The following TRRAP variants were observed in gnomAD, a reference collection of about 807,000 sequenced individuals.
The protein encoded by TRRAP is transformation/transcription domain-associated protein.
In TRRAP, 41 loss-of-function variants were observed where a neutral mutation model predicts 438.8. The ratio of observed to expected loss-of-function variants is 0.09; its 90% CI spans 0.07 to 0.12. The LOEUF is 0.12. Ranked by LOEUF, TRRAP falls within the 10% of genes least tolerant of loss-of-function variation. The probability of loss-of-function intolerance (pLI) is 1.00; values close to 1 mark genes in which losing one functional copy is unlikely to be tolerated. For synonymous variants in TRRAP, 1,994 were observed against 1,962.9 expected (o/e 1.02, Z -0.42); for missense variants, 3,122 against 5,055.1 (o/e 0.62, Z 11.60).
intron 3 of TRRAP, 91 bp downstream of exon 3, chr7:98,882,115 T>A: frequency 9.5e-7 from 1 of 1,056,158 alleles, no homozygotes; most frequent in Non-Finnish European, 1.4e-6. Context: ...TACTAGCAAC[T>A]CAAAGATCAT....
At chr7:98,902,563 A>G (rs1162319268) in intron 11 of TRRAP, among the ~76,000 whole-genome samples, 2 of 149,884 alleles carry the variant, frequency 1.3e-5, no homozygotes, top group Admixed American at 1.4e-4. Flanking sequence ...AATGCATATG[A>G]TTAGATAATG....
chr7:98,973,176 C>T (rs904931032), intron 53 of TRRAP, among the ~76,000 whole-genome samples: 4 of 152,126 alleles, frequency 2.6e-5, no homozygotes, highest in Admixed American at 2.0e-4. Context: ...GACAGGGTTT[C>T]ACCATGTTGG....
chr7:98,925,035 C>T, intron 21 of TRRAP, 77 bp from the exon 22 acceptor site: 2 of 1,521,402 alleles, frequency 1.3e-6, no homozygotes, highest in East Asian at 2.3e-5. Context: ...CTGGGTGCTG[C>T]AGATGCTTTC....
In TRRAP at chr7:98,983,279, A is replaced by G; in HGVS notation, c.8842A>G (p.Ile2948Val). 6 of 1,613,128 alleles carry G rather than the reference A, an allele frequency of 3.7e-6. No individual in the cohort carries two copies. In the African/African-American group the frequency reaches 4.0e-5, roughly 11 times the overall value. The change falls in exon 60 of 73, where the codon ATC (isoleucine) becomes GTC (valine). Residue 2948 changes from isoleucine (I) to valine (V), a missense_variant. Ile to Val is a conservative substitution (Grantham distance 29). This residue lies in a region of TRRAP where 129 missense variants were observed against 279.2 expected (regional missense o/e 0.46). Transcript: ENST00000456197. ...TPLLQAAQQI[I>V]ELQEAAQINA... Reference sequence around the variant, plus strand: ...GTCCCATCAGGCAGCCCAGCAAATCATCGAACTCCAGGAAGCTGCACAAAT... The same window carrying G: ...GTCCCATCAGGCAGCCCAGCAAATCGTCGAACTCCAGGAAGCTGCACAAAT...
chr7:98,914,612 G>C (rs1244168334), intron 18 of TRRAP, among the ~76,000 whole-genome samples: 1 of 150,402 alleles, frequency 6.6e-6, no homozygotes, highest in Non-Finnish European at 1.5e-5. Context: ...CTACTCAGGA[G>C]GCTGAGACAG....
At chr7:99,010,312 A>G (rs1794373770) in intron 70 of TRRAP, among the ~76,000 whole-genome samples, 1 of 152,184 alleles carries the variant, frequency 6.6e-6, no homozygotes, top group Non-Finnish European at 1.5e-5. Context: ...CTCACTGCTT[A>G]AGGAGCAGAT....
At chr7:98,990,272 T>G (rs1045975302) in intron 63 of TRRAP, among the ~76,000 whole-genome samples, 183 bp from the exon 64 acceptor site, 1 of 152,174 alleles carries the variant, frequency 6.6e-6, no homozygotes, top group Non-Finnish European at 1.5e-5. Flanking sequence ...ATTTTTAAAT[T>G]TTAGGTTTTA....
intron 16 of TRRAP, among the ~76,000 whole-genome samples, chr7:98,910,843 A>C (rs1192238475): frequency 6.6e-6 from 1 of 152,138 alleles, no homozygotes; most frequent in Non-Finnish European, 1.5e-5. Flanking sequence ...ATAAAAATAT[A>C]AGACTTAAGT....
At chr7:98,900,865 T>A in intron 11 of TRRAP, 145 bp downstream of exon 11, 1 of 654,532 alleles carries the variant, frequency 1.5e-6, no homozygotes, top group Non-Finnish European at 2.5e-6. Flanking sequence ...TCCATCAACC[T>A]CCAAAATTCC....
chr7:98,886,066 C>G (rs1230610293), intron 3 of TRRAP, among the ~76,000 whole-genome samples: 1 of 152,146 alleles, frequency 6.6e-6, no homozygotes, highest in African/African-American at 2.4e-5. Flanking sequence ...GGGTGGATCA[C>G]TTGAGGCCAG....
At chr7:98,900,141 G>T (rs1284263191) in intron 10 of TRRAP, among the ~76,000 whole-genome samples, 9 of 151,844 alleles carry the variant, frequency 5.9e-5, no homozygotes, top group Non-Finnish European at 1.3e-4. Flanking sequence ...TTCATCTCCA[G>T]ATAGGCTGTG....
Position 98,981,890 on chromosome 7 carries a change from G to A in TRRAP, c.8756G>A (p.Ser2919Asn). The A allele has an allele frequency of 6.2e-7, 1 of 1,609,696 alleles. No individual in the cohort carries two copies. Among genetic ancestry groups the A allele is most frequent in the Non-Finnish European group, 8.5e-7 (1 of 1,178,816 alleles). ...SFIERLVEMA[S>N]SLAIREWRRL... ...ATCGAGCGCCTGGTGGAGATGGCCA[G>A]CAGCCTGGCCATCCGCGAGTGGCGG... The change falls in exon 59 of 73, where the codon AGC becomes AAC. Residue 2919 changes from serine to asparagine, a missense_variant. This residue lies in a region of TRRAP where 992 missense variants were observed against 1,281.2 expected (regional missense o/e 0.77). Coordinates refer to ENST00000456197, the MANE Select transcript of TRRAP (RefSeq NM_001375524.1).
In TRRAP at chr7:98,956,447, G is replaced by C; in HGVS notation, c.6145G>C (p.Val2049Leu). ...PNSSGEGVNS[V>L]SSSIKRGLSV... ...TTCCAGTGGAGAAGGAGTCAATTCT[G>C]TCTCATCCTCCATTAAGAGAGGCCT... Residue 2049 changes from valine to leucine, a missense_variant, in exon 43 of 73, where the codon GTC becomes CTC. Val to Leu is a conservative substitution (Grantham distance 32). Around this residue, in one of 24 missense-constraint regions of TRRAP, gnomAD observed 992 missense variants for 1,281.2 expected, o/e 0.77. Coordinates refer to ENST00000456197, the MANE Select transcript of TRRAP (RefSeq NM_001375524.1). The surrounding 1 kb of genome is among the most constrained non-coding windows in gnomAD (Gnocchi z 4.5). The C allele has an allele frequency of 1.9e-6, 3 of 1,614,192 alleles. No homozygotes were observed. The highest frequency in any genetic ancestry group is 2.5e-6 in the Non-Finnish European group (3 of 1,180,042).
In TRRAP at chr7:98,965,688, G is replaced by T; in HGVS notation, c.6977-8G>T. ...ACCCGTGGGTTTGTTCTTAATTGGG[G>T]CGAGCAGGTACAAGCGAGCTGGTGA... On this transcript the variant is annotated splice_region_variant and splice_polypyrimidine_tract_variant and intron_variant, in intron 48 of 72. Transcript: ENST00000456197. The T allele has an allele frequency of 6.2e-7, 1 of 1,613,890 alleles. No individual in the cohort carries two copies. Among genetic ancestry groups the T allele is most frequent in the South Asian group, 1.1e-5 (1 of 91,062 alleles).
At chr7:98,949,089 C>T (rs941522363) in intron 35 of TRRAP, among the ~76,000 whole-genome samples, 4 of 152,132 alleles carry the variant, frequency 2.6e-5, no homozygotes, top group South Asian at 2.1e-4. Flanking sequence ...GAAAATTAGC[C>T]GGGCACGGTG....
intron 19 of TRRAP, 92 bp from the exon 20 acceptor site, chr7:98,917,331 A>G (rs1262125482): frequency 2.6e-6 from 4 of 1,533,898 alleles, no homozygotes; most frequent in East Asian, 2.3e-5. Flanking sequence ...TGATGTGCAC[A>G]AGAGAAGGAG....
At chr7:98,967,817 C>G in intron 51 of TRRAP, 119 bp downstream of exon 51, 2 of 879,630 alleles carry the variant, frequency 2.3e-6, no homozygotes, top group Non-Finnish European at 3.4e-6. Flanking sequence ...CAGCACAAAC[C>G]TGCTTCTGAT....
At chr7:98,957,890 C>T in intron 43 of TRRAP, 91 bp from the exon 44 acceptor site, 6 of 1,079,808 alleles carry the variant, frequency 5.6e-6, no homozygotes, top group Non-Finnish European at 8.3e-6. Flanking sequence ...CCGGGAGGTA[C>T]CGCATACCCA....
rs1791279187 is a variant in TRRAP at position 98,950,361 on chromosome 7, T to TA, written c.5334+102dup. The TA allele has an allele frequency of 2.2e-6, 3 of 1,389,006 alleles. No individual in the cohort carries two copies. In the Admixed American group the frequency reaches 6.2e-5, roughly 29 times the overall value. The allele number at this position is 1,389,006 out of a possible 1,614,324, so 86.0% of individuals were successfully genotyped here. A position where few individuals can be genotyped will look rare whatever the true frequency, so the allele number is the denominator to read the frequency against. ...CTTTTTTTGCTGTGTCACTCTTGAA[T>TA]AAATAGTAGAGTGAGCCAGGTGCTG... is the stretch of plus-strand genomic sequence containing the variant. On this transcript the variant is annotated intron_variant, in intron 38 of 72. Coordinates refer to ENST00000456197, the MANE Select transcript of TRRAP (RefSeq NM_001375524.1).
Sources: gnomAD v4.1 joint callset for allele counts (sites outside exome capture counted in the v4.1 genomes callset) on GRCh38, gnomAD v4.1.1 for gene constraint, gnomAD v4.1.1 regional missense constraint, Gnocchi (gnomAD v3.1) non-coding constraint, MANE v1.5 for transcripts, NCBI Gene and HGNC (gene_info 2026-07-23, HGNC 2026-07-21) for gene names.